The following RBKS variants were observed in gnomAD, a reference collection of about 807,000 sequenced individuals.
The protein encoded by RBKS is ribokinase.
Under a neutral mutation model 33.9 loss-of-function variants are expected in RBKS, and 33 were observed. The ratio of observed to expected loss-of-function variants is 0.97; its 90% CI spans 0.74 to 1.30. The LOEUF is 1.30. Among genes scored for constraint, RBKS ranks in the 50% most tolerant of loss-of-function variants. The probability of loss-of-function intolerance (pLI) is 0.00; values close to 1 mark genes in which losing one functional copy is unlikely to be tolerated. For synonymous variants in RBKS, 125 were observed against 143.0 expected, an observed-to-expected ratio of 0.87 and a Z score of 0.90; for missense variants, 361 against 392.6, an observed-to-expected ratio of 0.92 and a Z score of 0.68.
chr2:27,833,902 A>T (rs933803380), intron 5 of RBKS, among the ~76,000 whole-genome samples: 4 of 152,122 alleles, frequency 2.6e-5, no homozygotes, highest in Non-Finnish European at 5.9e-5. Flanking sequence ...GTCTCATTTG[A>T]CTATAGACCC....
chr2:27,817,702 G>C (rs1678123631), intron 7 of RBKS, among the ~76,000 whole-genome samples: 1 of 152,128 alleles, frequency 6.6e-6, no homozygotes, highest in African/African-American at 2.4e-5. Context: ...GCCTTTTCAA[G>C]ATCTGGCAGC....
intron 7 of RBKS, among the ~76,000 whole-genome samples, chr2:27,816,446 C>T (rs1374270213): frequency 2.0e-5 from 3 of 152,126 alleles, no homozygotes; most frequent in Non-Finnish European, 4.4e-5. Context: ...CAGAGTTTTA[C>T]TAACATCATT....
chr2:27,836,884 A>G (rs1678532999), intron 5 of RBKS, among the ~76,000 whole-genome samples: 1 of 152,228 alleles, frequency 6.6e-6, no homozygotes, highest in South Asian at 2.1e-4. Flanking sequence ...GCCAAAAAAC[A>G]TATGAAAAAC....
At chr2:27,871,508 T>C (rs1005574444) in intron 1 of RBKS, among the ~76,000 whole-genome samples, 11 of 152,164 alleles carry the variant, frequency 7.2e-5, no homozygotes, top group Non-Finnish European at 8.8e-5. Flanking sequence ...ATTGGGTCTT[T>C]CCCCCCTTTT....
Position 27,783,522 on chromosome 2 carries a change from AC to A in RBKS, c.796-1735del, listed in dbSNP as rs371860367. Among the ~76,000 whole-genome samples, 593 of 152,328 alleles carry A rather than the reference AC, an allele frequency of 3.9e-3. 3 individuals are homozygous for A. The highest frequency in any genetic ancestry group is 0.014 in the African/African-American group (568 of 41,586). On this transcript the variant is annotated intron_variant, in intron 7 of 7. Coordinates refer to ENST00000302188, the MANE Select transcript of RBKS (RefSeq NM_022128.3). ...GAAAACGTCCTGAGAAAGTCTGTGG[AC>A]CTGTGCCTTTGGACAGAGCAATACC...
intron 1 of RBKS, among the ~76,000 whole-genome samples, chr2:27,889,342 G>A (rs967832226): frequency 2.0e-5 from 3 of 152,132 alleles, no homozygotes; most frequent in Admixed American, 6.5e-5. Flanking sequence ...ATTTCAGGAC[G>A]AATGAGGTGT....
At chr2:27,840,279 C>G (rs1362043111) in intron 5 of RBKS, among the ~76,000 whole-genome samples, 1 of 149,852 alleles carries the variant, frequency 6.7e-6, no homozygotes. Context: ...CTCGGCCTCC[C>G]AAAGTGCTGG....
At position 27,890,251 on chromosome 2, in the gene RBKS, A is replaced by C. The variant is rs201634958; in HGVS notation, c.89+6T>G. On this transcript the variant is annotated splice_donor_region_variant and intron_variant, in intron 1 of 7. Transcript: ENST00000302188. The surrounding 1 kb of genome is among the most constrained non-coding windows in gnomAD (Gnocchi z 4.8). ...CCGCAGACTGAGTAACTGGCCCCGG[A>C]CTAACCTGACCAGGTCGGTCATGCA... is the stretch of plus-strand genomic sequence containing the variant. 2 of 1,613,082 alleles carry C rather than the reference A, an allele frequency of 1.2e-6. No homozygotes were observed. The highest frequency in any genetic ancestry group is 1.7e-5 in the Admixed American group (1 of 59,974).
At chr2:27,821,516 T>C (rs1299217280) in intron 7 of RBKS, among the ~76,000 whole-genome samples, 1 of 152,142 alleles carries the variant, frequency 6.6e-6, no homozygotes, top group Non-Finnish European at 1.5e-5. Context: ...CACCAAAAGG[T>C]TAACAATTAC....
chr2:27,802,984 T>C (rs1677830186), intron 7 of RBKS, among the ~76,000 whole-genome samples: 1 of 152,196 alleles, frequency 6.6e-6, no homozygotes, highest in Non-Finnish European at 1.5e-5. Context: ...TTTCTTTTTC[T>C]TTCTTTTCTC....
chr2:27,851,716 T>C (rs1284376870), intron 2 of RBKS, among the ~76,000 whole-genome samples: 2 of 151,918 alleles, frequency 1.3e-5, no homozygotes, highest in Non-Finnish European at 2.9e-5. Flanking sequence ...TTTTTGTACT[T>C]TTAGTAGAAA....
At chr2:27,855,524 C>T (rs913362466) in intron 2 of RBKS, among the ~76,000 whole-genome samples, 1 of 152,210 alleles carries the variant, frequency 6.6e-6, no homozygotes, top group African/African-American at 2.4e-5. Context: ...GAGCAGGAAA[C>T]ACTTAACTCA....
chr2:27,882,224 GA>G (rs1370786039), intron 1 of RBKS, among the ~76,000 whole-genome samples: 1 of 148,586 alleles, frequency 6.7e-6, no homozygotes, highest in African/African-American at 2.5e-5. Flanking sequence ...AAATCTACAA[GA>G]AAAAAAAACA....
At chr2:27,864,949 A>G (rs1664060751) in intron 1 of RBKS, among the ~76,000 whole-genome samples, 1 of 152,184 alleles carries the variant, frequency 6.6e-6, no homozygotes, top group Admixed American at 6.5e-5. Flanking sequence ...CAACCTTCAG[A>G]AGGAAAACAA....
intron 7 of RBKS, among the ~76,000 whole-genome samples, chr2:27,806,872 C>T: frequency 6.6e-6 from 1 of 152,180 alleles, no homozygotes; most frequent in East Asian, 1.9e-4. Context: ...AAGGTGGGGC[C>T]TGGGATTTGT....
At chr2:27,885,739 C>A (rs1333656827) in intron 1 of RBKS, among the ~76,000 whole-genome samples, 2 of 152,128 alleles carry the variant, frequency 1.3e-5, no homozygotes, top group Non-Finnish European at 2.9e-5. Context: ...CTTATTTCTA[C>A]TGATACTGTC....
At position 27,884,552 on chromosome 2, in the gene RBKS, CT is replaced by C. The variant is rs561922097; in HGVS notation, c.89+5704del. On this transcript the variant is annotated intron_variant, in intron 1 of 7. Coordinates refer to ENST00000302188, the MANE Select transcript of RBKS (RefSeq NM_022128.3). ...GAGCCACCACTATGCCTGGCCATAA[CT>C]TTTTTTTTTTAAGTAATCTAGGTCC... is the stretch of plus-strand genomic sequence containing the variant. Among the ~76,000 whole-genome samples, 580 of 148,732 alleles carry C rather than the reference CT, an allele frequency of 3.9e-3. 3 individuals carry two copies. The highest frequency in any genetic ancestry group is 0.013 in the African/African-American group (535 of 40,804).
chr2:27,829,208 T>C (rs1678374834), intron 6 of RBKS, among the ~76,000 whole-genome samples: 1 of 151,782 alleles, frequency 6.6e-6, no homozygotes, highest in Non-Finnish European at 1.5e-5. Context: ...TTTTATTATA[T>C]GAATTTCATC....
chr2:27,789,115 T>G (rs566473210), intron 7 of RBKS, among the ~76,000 whole-genome samples: 4 of 152,312 alleles, frequency 2.6e-5, no homozygotes, highest in Admixed American at 6.5e-5. Context: ...GACATAAGGA[T>G]AGACACGTAG....
Sources: gnomAD v4.1 joint callset for allele counts (sites outside exome capture counted in the v4.1 genomes callset) on GRCh38, gnomAD v4.1.1 for gene constraint, Gnocchi (gnomAD v3.1) non-coding constraint, MANE v1.5 for transcripts, NCBI Gene and HGNC (gene_info 2026-07-23, HGNC 2026-07-21) for gene names.